Variants in ABLIM1 observed in about 807,000 individuals in gnomAD.
ABLIM1 encodes the protein actin binding LIM protein 1.
A neutral mutation model predicts 107.0 loss-of-function variants in ABLIM1; 40 were observed. That is an observed-to-expected ratio of 0.37 (90% CI 0.29 to 0.49). The LOEUF is 0.49. ABLIM1 is among the 20% of genes least tolerant of loss of function. The pLI, the probability that ABLIM1 is intolerant of heterozygous loss-of-function variation, is 0.97. For missense variants in ABLIM1, 857 were observed against 1,008.5 expected, an observed-to-expected ratio of 0.85 and a Z score of 2.04; for synonymous variants, 357 against 357.3, an observed-to-expected ratio of 1.00 and a Z score of 0.01.
chr10:114,566,285 T>C (rs765285717), intron 4 of ABLIM1, among the ~76,000 whole-genome samples: 1 of 152,144 alleles, frequency 6.6e-6, no homozygotes, highest in Non-Finnish European at 1.5e-5. Context: ...CAGACACCCT[T>C]TGACATGGAA....
chr10:114,595,615 G>A (rs1345830937), intron 2 of ABLIM1, among the ~76,000 whole-genome samples: 4 of 152,192 alleles, frequency 2.6e-5, no homozygotes, highest in African/African-American at 7.2e-5. Flanking sequence ...GAACCCTGCA[G>A]CCATGTTCTA....
chr10:114,505,403 CA>C (rs1470170517), intron 6 of ABLIM1, among the ~76,000 whole-genome samples: 2 of 152,204 alleles, frequency 1.3e-5, no homozygotes, highest in African/African-American at 4.8e-5. Context: ...CTTTCCAACA[CA>C]ATAGCATGTT....
chr10:114,684,692 A>G (rs924280816), exon 1 of ABLIM1: 69 of 1,082,672 alleles, frequency 6.4e-5, no homozygotes, highest in Non-Finnish European at 7.7e-5. Context: ...CTGGGAAGCC[A>G]CTATTAGAAC....
chr10:114,431,229 C>A lies in ABLIM1; in HGVS notation c.*5031G>T, dbSNP rs1350150896. The A allele has an allele frequency of 6.6e-6, 1 of 152,338 alleles. No individual in the cohort carries two copies. Among genetic ancestry groups the A allele is most frequent in the African/African-American group, 2.4e-5 (1 of 41,454 alleles). 9.4% of individuals were successfully genotyped at this position (152,338 alleles called of 1,614,324 possible). A position where few individuals can be genotyped will look rare whatever the true frequency, so the allele number is the denominator to read the frequency against. ...ACAGGAGCGGGGAGCAGGTAGGGAT[C>A]ACAGGCACAGCAGCGCGGAGCCGGC... is the stretch of plus-strand genomic sequence containing the variant. On this transcript the variant is annotated 3_prime_UTR_variant, in exon 23 of 23. Coordinates refer to ENST00000533213, the MANE Select transcript of ABLIM1 (RefSeq NM_002313.7).
chr10:114,746,395 C>T (rs1212033102), intron 1 of ABLIM1, among the ~76,000 whole-genome samples: 1 of 152,158 alleles, frequency 6.6e-6, no homozygotes, highest in Non-Finnish European at 1.5e-5. Flanking sequence ...CAATTCCATC[C>T]ATATTGTTGC....
intron 6 of ABLIM1, among the ~76,000 whole-genome samples, chr10:114,501,691 A>G (rs2060449063): frequency 1.3e-5 from 2 of 152,224 alleles, no homozygotes; most frequent in South Asian, 4.1e-4. Context: ...ACTTTGTTAG[A>G]GCAGTTTTAG....
intron 1 of ABLIM1, among the ~76,000 whole-genome samples, chr10:114,666,092 A>C (rs1591779702): frequency 6.6e-6 from 1 of 152,200 alleles, no homozygotes; most frequent in African/African-American, 2.4e-5. Flanking sequence ...TCTAGAAAGG[A>C]CAATGTATTG....
At chr10:114,788,334 T>TAAAAAAAAAAAAA in the ABLIM1 span, among the ~76,000 whole-genome samples, 2 of 131,324 alleles carry the variant, frequency 1.5e-5, no homozygotes, top group Non-Finnish European at 3.2e-5. Flanking sequence ...AATAAAAAAA[T>TAAAAAAAAAAAAA]AAAAAAAAAA....
At chr10:114,490,315 A>G (rs1278814818) in intron 7 of ABLIM1, among the ~76,000 whole-genome samples, 1 of 152,216 alleles carries the variant, frequency 6.6e-6, no homozygotes, top group Non-Finnish European at 1.5e-5. Flanking sequence ...ATCATTCTAA[A>G]GCCAAAAAGA....
chr10:114,679,297 G>A (rs2080632716), intron 1 of ABLIM1, among the ~76,000 whole-genome samples: 1 of 151,882 alleles, frequency 6.6e-6, no homozygotes, highest in Admixed American at 6.6e-5. Flanking sequence ...GACCCCTGTT[G>A]TTTGCTATTA....
chr10:114,441,044 A>G lies in ABLIM1; in HGVS notation c.2032T>C (p.Tyr678His). The change falls in exon 19 of 23, where the codon TAT becomes CAT. Residue 678 changes from tyrosine (Y) to histidine (H), a missense_variant. Physicochemically the swap from Tyr to His is moderately conservative, Grantham distance 83. Transcript: ENST00000533213. ...CGCACTCCCCCGCTGACATCCCCATAGCTGTTATACTGAGCGAAGTCGGTA... is the reference window on the plus strand; with the variant it reads ...CGCACTCCCCCGCTGACATCCCCATGGCTGTTATACTGAGCGAAGTCGGTA... ...VSTDFAQYNS[Y>H]GDVSGGVRDY... 1 of 1,590,742 alleles carries G rather than the reference A, an allele frequency of 6.3e-7. No individual in the cohort carries two copies. Among genetic ancestry groups the G allele is most frequent in the Non-Finnish European group, 8.6e-7 (1 of 1,167,428 alleles).
intron 6 of ABLIM1, among the ~76,000 whole-genome samples, chr10:114,535,397 G>A (rs2065893488): frequency 6.6e-6 from 1 of 152,040 alleles, no homozygotes; most frequent in Admixed American, 6.6e-5. Context: ...CGCAGCCTCT[G>A]CCTCCCAGGT....
chr10:114,439,906 G>T, intron 20 of ABLIM1, 176 bp downstream of exon 20: 2 of 1,113,990 alleles, frequency 1.8e-6, no homozygotes, highest in Non-Finnish European at 2.5e-6. Context: ...TGCAGGGACA[G>T]CTTGACCCAG....
Position 114,451,617 on chromosome 10 carries a change from G to T in ABLIM1, c.1594+7C>A. ...TTAAAAGCTACGCGGAGGAAAGCGG[G>T]TTTTACCATGCTGTTTGTAGATGGG... On this transcript the variant is annotated splice_region_variant and intron_variant, in intron 14 of 22. Transcript: ENST00000533213. 1 of 1,612,360 alleles carries T rather than the reference G, an allele frequency of 6.2e-7. No individual in the cohort carries two copies. The highest frequency in any genetic ancestry group is 8.5e-7 in the Non-Finnish European group (1 of 1,178,424).
At chr10:114,754,106 C>G (rs1029463496) in intron 1 of ABLIM1, among the ~76,000 whole-genome samples, 3 of 152,150 alleles carry the variant, frequency 2.0e-5, no homozygotes, top group African/African-American at 7.2e-5. Context: ...CCTGCCTTGG[C>G]CTCCCAAAGT....
At position 114,474,173 on chromosome 10, in the gene ABLIM1, T is replaced by C. The variant is rs1333061966; in HGVS notation, c.1042-217A>G. 3.3e-5 allele frequency among the ~76,000 whole-genome samples: 5 copies of C among 152,198 alleles called. 1 individual carries two copies. Among genetic ancestry groups the C allele is most frequent in the Admixed American group, 3.3e-4 (5 of 15,284 alleles). ...GCATGGGGAGGCCTTTCTCTGGCCC[T>C]TCCTGCTCCTTGTCCCCTACGAGAA... is the stretch of plus-strand genomic sequence containing the variant. On this transcript the variant is annotated intron_variant, in intron 8 of 22. Coordinates refer to ENST00000533213, the MANE Select transcript of ABLIM1 (RefSeq NM_002313.7).
chr10:114,782,040 G>C, the ABLIM1 span, among the ~76,000 whole-genome samples: 1 of 151,870 alleles, frequency 6.6e-6, no homozygotes, highest in African/African-American at 2.4e-5. Flanking sequence ...TAAAAACTAG[G>C]GATGTTCTGC....
chr10:114,444,430 T>G (rs1006675086), intron 16 of ABLIM1, among the ~76,000 whole-genome samples: 1 of 152,302 alleles, frequency 6.6e-6, no homozygotes, highest in Non-Finnish European at 1.5e-5. Flanking sequence ...AGAAGGCATG[T>G]GTGAGTGTGT....
intron 6 of ABLIM1, among the ~76,000 whole-genome samples, chr10:114,542,530 AG>A (rs1349250483): frequency 6.6e-6 from 1 of 151,612 alleles, no homozygotes; most frequent in Admixed American, 6.6e-5. Flanking sequence ...GAAGAAAGGA[AG>A]AAGGAGGAGG....
Sources: allele counts gnomAD v4.1 joint callset (sites outside exome capture counted in the v4.1 genomes callset), GRCh38; gene constraint gnomAD v4.1.1; transcripts MANE v1.5; gene names NCBI Gene and HGNC (gene_info 2026-07-23, HGNC 2026-07-21).